Variants in MYL11 observed in about 807,000 individuals in gnomAD.
MYL11 encodes myosin regulatory light chain 11.
the MYL11 span, chr16:30,377,601 TG>T: frequency 7.2e-7 from 1 of 1,396,010 alleles, no homozygotes; most frequent in Non-Finnish European, 9.4e-7. Context: ...TGCGAGGGAG[TG>T]GAAAGGAACC....
At chr16:30,371,433 C>G in the MYL11 span, among the ~76,000 whole-genome samples, 1 of 152,178 alleles carries the variant, frequency 6.6e-6, no homozygotes, top group Non-Finnish European at 1.5e-5. Flanking sequence ...ATTCTCCGAT[C>G]TCGGCCCCCA....
the MYL11 span, chr16:30,376,065 C>A: frequency 6.5e-7 from 1 of 1,541,674 alleles, no homozygotes; most frequent in Non-Finnish European, 8.9e-7. Context: ...GGCTGAGAGC[C>A]AGCATCTGAT....
At chr16:30,375,764 C>A in the MYL11 span, 2 of 1,445,636 alleles carry the variant, frequency 1.4e-6, no homozygotes, top group East Asian at 2.3e-5. Flanking sequence ...TCCATTGCCC[C>A]CAGAGAGGTG....
chr16:30,376,711 TC>T, the MYL11 span: 1 of 1,611,532 alleles, frequency 6.2e-7, no homozygotes. Context: ...AAGCATCGGC[TC>T]CCCCACCCTT....
the MYL11 span, chr16:30,374,912 C>T: frequency 2.2e-5 from 35 of 1,593,526 alleles, no homozygotes; most frequent in Non-Finnish European, 2.6e-5. Flanking sequence ...CTCAGGGCAG[C>T]CTCACCCTTT....
the MYL11 span, among the ~76,000 whole-genome samples, chr16:30,371,593 A>T: frequency 1.3e-5 from 2 of 152,118 alleles, no homozygotes; most frequent in African/African-American, 4.8e-5. Flanking sequence ...TCCTCCCCAG[A>T]ACCCAGGCTC....
chr16:30,375,464 CAA>C, the MYL11 span, among the ~76,000 whole-genome samples: 17 of 74,520 alleles, frequency 2.3e-4, no homozygotes, highest in Admixed American at 4.8e-4. Flanking sequence ...GACTCTGTCT[CAA>C]AAAAAAAAAA....
chr16:30,374,650 C>T, the MYL11 span: 1 of 561,460 alleles, frequency 1.8e-6, no homozygotes, highest in Non-Finnish European at 3.1e-6. Flanking sequence ...CCCCGCTGGG[C>T]TCCAGCTGCT....
At chr16:30,375,782 T>A in the MYL11 span, 2 of 1,545,824 alleles carry the variant, frequency 1.3e-6, no homozygotes, top group South Asian at 2.2e-5. Flanking sequence ...GTGGAGGGAC[T>A]GGTCCATGGG....
At chr16:30,374,949 A>G in the MYL11 span, 2 of 1,502,822 alleles carry the variant, frequency 1.3e-6, no homozygotes, top group Non-Finnish European at 1.8e-6. Context: ...TTCCCAGTCC[A>G]ACAAAAAGTT....
At chr16:30,375,402 T>G in the MYL11 span, among the ~76,000 whole-genome samples, 1 of 149,930 alleles carries the variant, frequency 6.7e-6, no homozygotes. Flanking sequence ...GAGGCAGAGG[T>G]TGCGGTAAGC....
the MYL11 span, chr16:30,376,332 G>A: frequency 1.3e-6 from 2 of 1,550,176 alleles, no homozygotes; most frequent in South Asian, 1.2e-5. Flanking sequence ...CTACCCAGCT[G>A]AAAAATGAAT....
the MYL11 span, chr16:30,376,310 T>C: frequency 1.9e-6 from 3 of 1,556,656 alleles, no homozygotes; most frequent in Non-Finnish European, 2.6e-6. Context: ...CAGCTCCACC[T>C]TGGGCCTCAG....
At chr16:30,376,877 G>A in the MYL11 span, among the ~76,000 whole-genome samples, 1 of 152,104 alleles carries the variant, frequency 6.6e-6, no homozygotes, top group Non-Finnish European at 1.5e-5. Flanking sequence ...AGATCAGCCT[G>A]GATAACACAG....
the MYL11 span, among the ~76,000 whole-genome samples, chr16:30,373,229 G>A: frequency 1.3e-5 from 2 of 151,794 alleles, no homozygotes; most frequent in Non-Finnish European, 2.9e-5. Context: ...AGGTCGAGAC[G>A]GGTGGATCAT....
chr16:30,374,790 C>T, the MYL11 span: 1 of 1,593,066 alleles, frequency 6.3e-7, no homozygotes, highest in Non-Finnish European at 8.6e-7. Context: ...CCCAGAGGGA[C>T]TGCCCCATGC....
chr16:30,373,364 G>A, the MYL11 span, among the ~76,000 whole-genome samples: 1 of 152,216 alleles, frequency 6.6e-6, no homozygotes, highest in Non-Finnish European at 1.5e-5. Flanking sequence ...GGGAGGCCGA[G>A]GCAGGCAGAT....
chr16:30,377,637 G>A, the MYL11 span: 1 of 1,489,746 alleles, frequency 6.7e-7, no homozygotes, highest in African/African-American at 1.4e-5. Flanking sequence ...AACTCCCCTT[G>A]TGTCACCTCT....
At chr16:30,373,998 G>A in the MYL11 span, among the ~76,000 whole-genome samples, 1 of 151,884 alleles carries the variant, frequency 6.6e-6, no homozygotes. Flanking sequence ...CATGTTTACT[G>A]GGTTTATTTT....
Sources: allele counts gnomAD v4.1 joint callset (sites outside exome capture counted in the v4.1 genomes callset), GRCh38; gene constraint gnomAD v4.1.1; transcripts MANE v1.5; gene names NCBI Gene and HGNC (gene_info 2026-07-23, HGNC 2026-07-21).